PCDHAC2: variants seen among roughly 807,000 people sequenced by gnomAD.
PCDHAC2 encodes protocadherin alpha-C2.
Under a neutral mutation model 63.3 loss-of-function variants are expected in PCDHAC2, and 24 were observed. The observed-to-expected ratio is 0.38, with a 90% confidence interval of 0.27 to 0.53. The LOEUF is 0.53. Ranked by LOEUF, PCDHAC2 falls within the 20% of genes least tolerant of loss-of-function variation. The pLI is 0.81. For missense variants in PCDHAC2, 1,181 were observed against 1,275.2 expected (o/e 0.93, Z 1.12); for synonymous variants, 569 against 529.4 (o/e 1.07, Z -1.03).
Position 140,968,382 on chromosome 5 carries a change from A to G in PCDHAC2, c.1616A>G (p.Tyr539Cys). 6.2e-7 allele frequency: 1 copy of G among 1,614,050 alleles called. No homozygotes were observed. The highest frequency in any genetic ancestry group is 8.5e-7 in the Non-Finnish European group (1 of 1,180,012). ...GSLYAVNSFD[Y>C]EKFREFFVTV... ...CTTTATGCTGTCAACTCCTTTGACT[A>G]TGAGAAGTTTCGGGAGTTCTTTGTG... Residue 539 changes from tyrosine to cysteine, a missense_variant, in exon 1 of 4, where the codon TAT becomes TGT. Tyr to Cys is a radical substitution (Grantham distance 194). Transcript: ENST00000289269.
chr5:140,993,128 T>A (rs1250312762), intron 3 of PCDHAC2, among the ~76,000 whole-genome samples: 2 of 152,234 alleles, frequency 1.3e-5, no homozygotes, highest in Non-Finnish European at 2.9e-5. Flanking sequence ...AATTTCCTTC[T>A]GTTGCAACAA....
intron 3 of PCDHAC2, among the ~76,000 whole-genome samples, chr5:140,987,107 G>C (rs936936352): frequency 2.0e-5 from 3 of 151,876 alleles, no homozygotes; most frequent in Admixed American, 6.6e-5. Context: ...CCAGCTACTC[G>C]GGAGGCTGAG....
At position 140,967,282 on chromosome 5, in the gene PCDHAC2, G is replaced by A. The variant is rs1463734502; in HGVS notation, c.516G>A (p.Ala172=). 17 of 1,612,960 alleles carry A rather than the reference G, an allele frequency of 1.1e-5. No homozygotes were observed. Among genetic ancestry groups the A allele is most frequent in the Non-Finnish European group, 1.4e-5 (16 of 1,179,600 alleles). The change falls in exon 1 of 4, where the codon GCG becomes GCA. Residue 172 remains alanine (A), a synonymous_variant. Coordinates refer to ENST00000289269, the MANE Select transcript of PCDHAC2 (RefSeq NM_018899.6). ...GAGCGCGCTTTCACATAGAGAGTGC[G>A]CAGGACCCCGACGTGGGCGCCAACT... ...APGARFHIES[A]QDPDVGANSV... is the part of the protein sequence containing the mutation.
chr5:140,973,406 T>C (rs1205127002), intron 1 of PCDHAC2, among the ~76,000 whole-genome samples: 1 of 152,240 alleles, frequency 6.6e-6, no homozygotes, highest in Non-Finnish European at 1.5e-5. Flanking sequence ...ATCTATGAGC[T>C]TCCACTCCAG....
intron 3 of PCDHAC2, among the ~76,000 whole-genome samples, chr5:140,990,648 A>G (rs2097404919): frequency 2.0e-5 from 3 of 152,220 alleles, no homozygotes; most frequent in Admixed American, 1.3e-4. Flanking sequence ...CTCAGCCAGT[A>G]TGAATGATTT....
intron 3 of PCDHAC2, among the ~76,000 whole-genome samples, chr5:141,007,475 C>G (rs575810038): frequency 1.3e-5 from 2 of 151,322 alleles, no homozygotes; most frequent in Non-Finnish European, 2.9e-5. Context: ...GGCTGAGGCA[C>G]GAGAATTACT....
Position 140,967,051 on chromosome 5 carries a change from G to A in PCDHAC2, c.285G>A (p.Thr95=). The A allele has an allele frequency of 6.2e-7, 1 of 1,612,562 alleles. No homozygotes were observed. The highest frequency in any genetic ancestry group is 8.5e-7 in the Non-Finnish European group (1 of 1,179,638). ...PSPRYLELDL[T]SGALFVNERI... ...CGCGCTACCTGGAGCTGGACCTGAC[G>A]AGTGGAGCGCTCTTCGTCAACGAGC... Residue 95 remains threonine (T), a synonymous_variant, in exon 1 of 4, where the codon ACG becomes ACA. Transcript: ENST00000289269.
chr5:141,005,936 G>A (rs1233031842), intron 3 of PCDHAC2, among the ~76,000 whole-genome samples: 1 of 151,890 alleles, frequency 6.6e-6, no homozygotes, highest in African/African-American at 2.4e-5. Context: ...GACAGAGTGA[G>A]AACCTATCTC....
chr5:140,995,353 G>A lies in PCDHAC2; in HGVS notation c.2713+12790G>A, dbSNP rs922727759. 8.5e-5 allele frequency among the ~76,000 whole-genome samples: 13 copies of A among 152,138 alleles called. 1 individual carries two copies. The highest frequency in any genetic ancestry group is 4.2e-4 in the South Asian group (2 of 4,804). ...GTAGTGTAGACGGCATGGATAGGTC[G>A]GACAGAGGGATGATTCACGTACTGG... On this transcript the variant is annotated intron_variant, in intron 3 of 3. Transcript: ENST00000289269.
chr5:140,990,621 G>A (rs75224471), intron 3 of PCDHAC2, among the ~76,000 whole-genome samples: 1,861 of 152,288 alleles, frequency 0.012, 44 homozygotes, highest in African/African-American at 0.043. Context: ...GTAAAGGTCT[G>A]TGGTAAGACT....
At chr5:140,973,959 G>A (rs782474164) in intron 1 of PCDHAC2, among the ~76,000 whole-genome samples, 2 of 152,198 alleles carry the variant, frequency 1.3e-5, no homozygotes, top group Admixed American at 6.5e-5. Flanking sequence ...TTTTACAGGT[G>A]TCTTTAAATG....
At chr5:140,998,645 A>T (rs1020510258) in intron 3 of PCDHAC2, among the ~76,000 whole-genome samples, 12 of 151,600 alleles carry the variant, frequency 7.9e-5, no homozygotes, top group Non-Finnish European at 1.6e-4. Context: ...GCTCACTGCA[A>T]CCTCTGCCTC....
intron 1 of PCDHAC2, among the ~76,000 whole-genome samples, chr5:140,972,283 A>C (rs2096528536): frequency 2.7e-5 from 4 of 149,876 alleles, no homozygotes; most frequent in Admixed American, 2.7e-4. Flanking sequence ...TGGACCATAG[A>C]TGTGCGCCAC....
At chr5:140,971,884 C>A (rs1216931622) in intron 1 of PCDHAC2, among the ~76,000 whole-genome samples, 1 of 151,602 alleles carries the variant, frequency 6.6e-6, no homozygotes, top group Admixed American at 6.6e-5. Flanking sequence ...AGGAAATAAG[C>A]TCAGGGAGGT....
Position 140,967,003 on chromosome 5 carries a change from C to T in PCDHAC2, c.237C>T (p.Ile79=). Residue 79 remains isoleucine, a synonymous_variant, in exon 1 of 4, where the codon ATC becomes ATT. Transcript: ENST00000289269. ...LRRLGPGCLR[I]NHLGAPSPRY... Reference sequence around the variant, plus strand: ...GCTTGGGGCCGGGTTGCTTGCGCATCAACCATCTGGGTGCGCCCAGTCCGC... The same window carrying T: ...GCTTGGGGCCGGGTTGCTTGCGCATTAACCATCTGGGTGCGCCCAGTCCGC... 6.2e-7 allele frequency: 1 copy of T among 1,605,342 alleles called. No homozygotes were observed. Among genetic ancestry groups the T allele is most frequent in the South Asian group, 1.1e-5 (1 of 90,914 alleles).
chr5:140,966,695 C>G lies in PCDHAC2; in HGVS notation c.-72C>G. The G allele has an allele frequency of 7.4e-7, 1 of 1,358,486 alleles. No individual in the cohort carries two copies. The highest frequency in any genetic ancestry group is 9.5e-7 in the Non-Finnish European group (1 of 1,057,280). The allele number at this position is 1,358,486 out of a possible 1,614,324, so 84.2% of individuals were successfully genotyped here. On this transcript the variant is annotated 5_prime_UTR_variant, in exon 1 of 4. Coordinates refer to ENST00000289269, the MANE Select transcript of PCDHAC2 (RefSeq NM_018899.6). ...GGGTGGCACGAGCGGAGGCGGGGCC[C>G]GGGCGTGGGGCACGGCTGGGGAAGC...
rs1423136904 is a variant in PCDHAC2 at position 140,966,615 on chromosome 5, G to A, written c.-152G>A. 1.0e-5 allele frequency: 8 copies of A among 773,600 alleles called. No individual in the cohort carries two copies. In the Admixed American group the frequency reaches 1.2e-4, roughly 12 times the overall value. The allele number at this position is 773,600 out of a possible 1,614,324, so 47.9% of individuals were successfully genotyped here. A position where few individuals can be genotyped will look rare whatever the true frequency, so the allele number is the denominator to read the frequency against. On this transcript the variant is annotated 5_prime_UTR_variant, in exon 1 of 4. Transcript: ENST00000289269. The stretch of plus-strand genomic sequence containing the variant: ...GCCAGGAGCCCTTGGGAGGGCCTAC[G>A]GAGGGAGCGGCCCCAGGCGCTTTCT...
At chr5:140,987,949 A>G (rs1251112253) in intron 3 of PCDHAC2, among the ~76,000 whole-genome samples, 1 of 152,162 alleles carries the variant, frequency 6.6e-6, no homozygotes, top group Non-Finnish European at 1.5e-5. Context: ...CTGTCTGACA[A>G]AACCAACTCC....
At chr5:140,998,696 C>G (rs1587806526) in intron 3 of PCDHAC2, among the ~76,000 whole-genome samples, 1 of 152,182 alleles carries the variant, frequency 6.6e-6, no homozygotes, top group East Asian at 1.9e-4. Flanking sequence ...TCCCAAGTAG[C>G]TGGGATTACA....
Sources: allele counts gnomAD v4.1 joint callset (sites outside exome capture counted in the v4.1 genomes callset), GRCh38; gene constraint gnomAD v4.1.1; transcripts MANE v1.5; gene names NCBI Gene and HGNC (gene_info 2026-07-23, HGNC 2026-07-21).